EIF4ENIF1: variants seen among roughly 807,000 people sequenced by gnomAD.
EIF4ENIF1 encodes eukaryotic translation initiation factor 4E nuclear import factor 1.
A neutral mutation model predicts 110.5 loss-of-function variants in EIF4ENIF1; 23 were observed. The observed-to-expected ratio is 0.21, with a 90% CI of 0.15 to 0.29. The LOEUF is 0.29. Among genes scored for constraint, EIF4ENIF1 ranks in the 10% least tolerant of loss-of-function variants. The pLI, the probability that EIF4ENIF1 is intolerant of heterozygous loss-of-function variation, is 1.00. For missense variants in EIF4ENIF1, 1,031 were observed against 1,221.1 expected (o/e 0.84, Z 2.32); for synonymous variants, 440 against 437.0 (o/e 1.01, Z -0.09).
At chr22:31,458,160 G>A (rs1343067028) in intron 7 of EIF4ENIF1, among the ~76,000 whole-genome samples, 2 of 151,672 alleles carry the variant, frequency 1.3e-5, no homozygotes, top group African/African-American at 4.8e-5. Context: ...CCCAGGAGAC[G>A]GAGGTTGCAA....
chr22:31,444,523 T>A lies in EIF4ENIF1; in HGVS notation c.2073+83A>T. On this transcript the variant is annotated intron_variant, in intron 15 of 18. Transcript: ENST00000330125. Reference sequence around the variant, plus strand: ...TTCCGTGGAAGGAACTCAAGGACATTTAGGGCACACAGTGGTACAATCCAT... The same window carrying A: ...TTCCGTGGAAGGAACTCAAGGACATATAGGGCACACAGTGGTACAATCCAT... The A allele has an allele frequency of 2.3e-6, 3 of 1,333,328 alleles. No individual in the cohort carries two copies. The South Asian group carries it at 3.5e-5, about 16-fold the overall frequency. The allele number at this position is 1,333,328 out of a possible 1,614,324, so 82.6% of individuals were successfully genotyped here.
chr22:31,450,820 A>G (rs890848442), intron 10 of EIF4ENIF1: 4 of 174,370 alleles, frequency 2.3e-5, no homozygotes, highest in Non-Finnish European at 3.5e-5. Context: ...ATATACACAC[A>G]TACATACACA....
intron 2 of EIF4ENIF1, among the ~76,000 whole-genome samples, chr22:31,473,035 GTTT>G (rs1009614593): frequency 7.1e-6 from 1 of 141,284 alleles, no homozygotes; most frequent in East Asian, 2.1e-4. Flanking sequence ...ACGAAGCCAA[GTTT>G]TTTTGGCTTC....
intron 2 of EIF4ENIF1, among the ~76,000 whole-genome samples, chr22:31,480,814 C>G (rs1190179260): frequency 6.6e-6 from 1 of 152,194 alleles, no homozygotes. Flanking sequence ...TCTGTAACCC[C>G]AGCACTTTAG....
intron 6 of EIF4ENIF1, chr22:31,461,870 A>G (rs1412938509): frequency 1.3e-5 from 2 of 152,178 alleles, no homozygotes; most frequent in Non-Finnish European, 2.9e-5. Flanking sequence ...CATGGTGACT[A>G]CCTTAAGTGT....
chr22:31,461,413 C>T (rs1041035320), intron 6 of EIF4ENIF1, among the ~76,000 whole-genome samples: 5 of 152,122 alleles, frequency 3.3e-5, no homozygotes, highest in African/African-American at 1.2e-4. Context: ...AGATATCTGA[C>T]CCCATCTTAC....
upstream of EIF4ENIF1, among the ~76,000 whole-genome samples, chr22:31,491,977 C>T (rs1444295021): frequency 6.6e-6 from 1 of 152,166 alleles, no homozygotes; most frequent in South Asian, 2.1e-4. Context: ...CCTGCTGGGA[C>T]GGCTGGTTTC....
rs761448918 is a variant in EIF4ENIF1, at chr22:31,450,369, G to A, written c.1513-9C>T. 4 of 1,611,830 alleles carry A rather than the reference G, an allele frequency of 2.5e-6. No homozygotes were observed. The highest frequency in any genetic ancestry group is 1.7e-5 in the Admixed American group (1 of 59,890). On this transcript the variant is annotated splice_polypyrimidine_tract_variant and intron_variant, in intron 10 of 18. Transcript: ENST00000330125. ...TGGCTTTCAAGGTTTCGCTAAAAGA[G>A]TCAAAAGAAAACTGGTTTTAACTTT...
At chr22:31,483,199 A>G (rs1198684667) in intron 2 of EIF4ENIF1, among the ~76,000 whole-genome samples, 1 of 141,272 alleles carries the variant, frequency 7.1e-6, no homozygotes, top group African/African-American at 2.6e-5. Context: ...CACCACTGCC[A>G]GGAGACGATC....
intron 2 of EIF4ENIF1, among the ~76,000 whole-genome samples, chr22:31,488,380 T>TA (rs996932597): frequency 2.0e-5 from 3 of 152,124 alleles, no homozygotes; most frequent in Non-Finnish European, 4.4e-5. Context: ...TCCGCAATTT[T>TA]AAAAAAATCT....
chr22:31,452,400 G>A (rs1050231251), intron 10 of EIF4ENIF1, among the ~76,000 whole-genome samples: 18 of 152,138 alleles, frequency 1.2e-4, no homozygotes, highest in Admixed American at 2.0e-4. Context: ...TCATCCATCC[G>A]TTTGGCAGGT....
At chr22:31,486,223 T>C (rs1208296193) in intron 2 of EIF4ENIF1, among the ~76,000 whole-genome samples, 3 of 151,012 alleles carry the variant, frequency 2.0e-5, no homozygotes, top group South Asian at 2.1e-4. Flanking sequence ...TGAGCCGAGA[T>C]AGCATCATTG....
rs1569059754 is a variant in EIF4ENIF1, at chr22:31,440,779, T to TAGC, written c.2638_2640dup (p.Ala880dup). ...GGACGAGGGTTTAAGAGAGGGTGAC[T>TAGC]AGCAGCAGGTAAAGGGTAAAAGGGC... On this transcript the variant is annotated inframe_insertion, in exon 18 of 19. Coordinates refer to ENST00000330125, the MANE Select transcript of EIF4ENIF1 (RefSeq NM_019843.4). 1 of 1,613,948 alleles carries TAGC rather than the reference T, an allele frequency of 6.2e-7. No homozygotes were observed. Among genetic ancestry groups the TAGC allele is most frequent in the Non-Finnish European group, 8.5e-7 (1 of 1,179,880 alleles).
chr22:31,439,520 T>C lies in EIF4ENIF1; in HGVS notation c.*360A>G, dbSNP rs560907080. ...GTTCAAAAAAGCTATCCTATATGTA[T>C]ATACAAAAGTTGTTTATACACAGGT... On this transcript the variant is annotated 3_prime_UTR_variant, in exon 19 of 19. Coordinates refer to ENST00000330125, the MANE Select transcript of EIF4ENIF1 (RefSeq NM_019843.4). 3.9e-5 allele frequency: 8 copies of C among 205,312 alleles called. No homozygotes were observed. The highest frequency in any genetic ancestry group is 1.6e-4 in the African/African-American group (7 of 42,710). 12.7% of individuals were successfully genotyped at this position (205,312 alleles called of 1,614,324 possible).
chr22:31,441,419 A>AG (rs1267637590), intron 17 of EIF4ENIF1, among the ~76,000 whole-genome samples: 1 of 151,264 alleles, frequency 6.6e-6, no homozygotes, highest in African/African-American at 2.4e-5. Context: ...GTGCACCTGT[A>AG]GTCCCAGCTA....
intron 6 of EIF4ENIF1, chr22:31,461,782 G>A (rs906157810): frequency 1.3e-5 from 2 of 152,188 alleles, no homozygotes; most frequent in African/African-American, 4.8e-5. Context: ...ACCTGGGAAG[G>A]CCTAATACCA....
intron 14 of EIF4ENIF1, among the ~76,000 whole-genome samples, chr22:31,445,795 G>A (rs2145908625): frequency 6.6e-6 from 1 of 152,288 alleles, no homozygotes; most frequent in African/African-American, 2.4e-5. Context: ...AGGCATGTTT[G>A]TTGGAGGGAC....
chr22:31,446,969 A>G, intron 14 of EIF4ENIF1: 1 of 468,660 alleles, frequency 2.1e-6, no homozygotes, highest in Non-Finnish European at 4.4e-6. Flanking sequence ...CTGCTGATGT[A>G]GCAAACCTGC....
intron 2 of EIF4ENIF1, among the ~76,000 whole-genome samples, chr22:31,479,076 CGAAA>C (rs1238267721): frequency 1.3e-5 from 2 of 151,086 alleles, no homozygotes; most frequent in East Asian, 2.0e-4. Flanking sequence ...TCCAGTCTCT[CGAAA>C]GAAATTTTTT....
Sources: gnomAD v4.1 joint callset for allele counts (sites outside exome capture counted in the v4.1 genomes callset) on GRCh38, gnomAD v4.1.1 for gene constraint, MANE v1.5 for transcripts, NCBI Gene and HGNC (gene_info 2026-07-23, HGNC 2026-07-21) for gene names.